RPS6KC1: variants seen among roughly 807,000 people sequenced by gnomAD.
RPS6KC1 encodes inactive ribosomal protein S6 kinase delta-1.
RPS6KC1 carries 54 observed loss-of-function variants against 103.8 expected under a neutral mutation model. The ratio of observed to expected loss-of-function variants is 0.52; its 90% confidence interval spans 0.42 to 0.65. The LOEUF (loss-of-function observed/expected upper bound fraction) is 0.65, where lower values mean the gene tolerates loss of function less well. Ranked by LOEUF, RPS6KC1 falls within the 30% of genes least tolerant of loss-of-function variation. The probability of loss-of-function intolerance (pLI) is 0.00; values close to 1 mark genes in which losing one functional copy is unlikely to be tolerated. For missense variants in RPS6KC1, 1,151 were observed against 1,253.8 expected, an observed-to-expected ratio of 0.92 and a Z score of 1.24; for synonymous variants, 439 against 438.7, an observed-to-expected ratio of 1.00 and a Z score of -0.01.
intron 14 of RPS6KC1, among the ~76,000 whole-genome samples, chr1:213,267,764 T>C (rs1203606561): frequency 6.6e-6 from 1 of 151,720 alleles, no homozygotes; most frequent in Non-Finnish European, 1.5e-5. Flanking sequence ...ACAAGTTGAA[T>C]AATACAATGA....
chr1:213,248,182 A>T (rs539429953), intron 12 of RPS6KC1, among the ~76,000 whole-genome samples: 36 of 152,176 alleles, frequency 2.4e-4, no homozygotes, highest in Non-Finnish European at 3.8e-4. Context: ...TAATAATGAC[A>T]TAACCAGGAG....
chr1:213,388,020 T>C, the RPS6KC1 span, among the ~76,000 whole-genome samples: 126 of 152,244 alleles, frequency 8.3e-4, 1 homozygote, highest in Admixed American at 2.9e-3. Flanking sequence ...AAAACCAGCA[T>C]AGGAGTTTTT....
rs186229405 is a variant in RPS6KC1 at position 213,273,730 on chromosome 1, A to G, written c.*1096A>G. 1.3e-5 allele frequency: 2 copies of G among 152,334 alleles called. No individual in the cohort carries two copies. The highest frequency in any genetic ancestry group is 1.9e-4 in the East Asian group (1 of 5,186). 9.4% of individuals were successfully genotyped at this position (152,334 alleles called of 1,614,324 possible). On this transcript the variant is annotated 3_prime_UTR_variant, in exon 15 of 15. Transcript: ENST00000366960. The stretch of plus-strand genomic sequence containing the variant: ...TTAGAAAGAATGTAAGTATTCACAC[A>G]TCTCCAAACATTTGTATTTGTTACT...
the RPS6KC1 span, among the ~76,000 whole-genome samples, chr1:213,578,849 A>T: frequency 4.6e-5 from 7 of 152,054 alleles, no homozygotes; most frequent in Non-Finnish European, 1.0e-4. Context: ...GTTAATGCTG[A>T]TATGAGTTAA....
the RPS6KC1 span, among the ~76,000 whole-genome samples, chr1:213,578,360 G>A: frequency 2.0e-5 from 3 of 152,238 alleles, no homozygotes; most frequent in Admixed American, 6.5e-5. Flanking sequence ...GTTGAAGCCC[G>A]TACACAGAGT....
chr1:213,675,498 G>A, the RPS6KC1 span, among the ~76,000 whole-genome samples: 1 of 152,226 alleles, frequency 6.6e-6, no homozygotes, highest in Non-Finnish European at 1.5e-5. Context: ...TGGCTAGCCA[G>A]CTATCCCAGC....
At chr1:213,187,797 T>A (rs2092594677) in intron 8 of RPS6KC1, among the ~76,000 whole-genome samples, 4 of 152,182 alleles carry the variant, frequency 2.6e-5, no homozygotes, top group African/African-American at 4.8e-5. Context: ...AATAGATATT[T>A]ATAGAATAGT....
the RPS6KC1 span, among the ~76,000 whole-genome samples, chr1:213,844,004 A>G: frequency 6.6e-6 from 1 of 151,976 alleles, no homozygotes; most frequent in African/African-American, 2.4e-5. Context: ...CTAGGGGGAA[A>G]AAAAAAAAGA....
the RPS6KC1 span, among the ~76,000 whole-genome samples, chr1:213,600,836 C>T: frequency 6.6e-6 from 1 of 152,220 alleles, no homozygotes; most frequent in Non-Finnish European, 1.5e-5. Context: ...TTCACACTAG[C>T]CACTCAGTGG....
the RPS6KC1 span, among the ~76,000 whole-genome samples, chr1:213,310,628 C>G: frequency 6.6e-6 from 1 of 152,234 alleles, no homozygotes; most frequent in African/African-American, 2.4e-5. Context: ...CTTCCCCTAT[C>G]AGAATCTAAG....
the RPS6KC1 span, among the ~76,000 whole-genome samples, chr1:213,607,440 A>G: frequency 6.6e-6 from 1 of 152,190 alleles, no homozygotes; most frequent in African/African-American, 2.4e-5. Flanking sequence ...TTTTACTGGA[A>G]GAGAGGTGTC....
At chr1:213,842,640 A>G in the RPS6KC1 span, among the ~76,000 whole-genome samples, 1 of 152,222 alleles carries the variant, frequency 6.6e-6, no homozygotes, top group Non-Finnish European at 1.5e-5. Context: ...TGGTCTTCAG[A>G]CATTGAAAAA....
chr1:213,329,062 G>T, the RPS6KC1 span, among the ~76,000 whole-genome samples: 1 of 152,082 alleles, frequency 6.6e-6, no homozygotes, highest in East Asian at 1.9e-4. Context: ...GTTTTTTTCT[G>T]CTGGTTAGAG....
At chr1:213,587,239 G>A in the RPS6KC1 span, among the ~76,000 whole-genome samples, 3 of 152,180 alleles carry the variant, frequency 2.0e-5, no homozygotes, top group Admixed American at 6.5e-5. Context: ...TAGATCTGCG[G>A]TGGGGGCCAG....
the RPS6KC1 span, among the ~76,000 whole-genome samples, chr1:213,802,097 C>T: frequency 6.6e-6 from 1 of 152,180 alleles, no homozygotes. Context: ...CTGCCCATGA[C>T]AATGGTGTAA....
At position 213,126,603 on chromosome 1, in the gene RPS6KC1, A is replaced by G. The variant is rs941362466; in HGVS notation, c.473-2924A>G. 1.6e-3 allele frequency among the ~76,000 whole-genome samples: 243 copies of G among 152,298 alleles called. 1 individual carries two copies. Among genetic ancestry groups the G allele is most frequent in the African/African-American group, 5.6e-3 (233 of 41,578 alleles). The stretch of plus-strand genomic sequence containing the variant: ...ATAGGGGTTGGCAAAACTATGTTCT[A>G]TGGGCTGAATCTGGCCTGCCACCTG... On this transcript the variant is annotated intron_variant, in intron 5 of 14. Coordinates refer to ENST00000366960, the MANE Select transcript of RPS6KC1 (RefSeq NM_012424.6).
the RPS6KC1 span, among the ~76,000 whole-genome samples, chr1:213,763,674 A>G: frequency 6.6e-6 from 1 of 152,218 alleles, no homozygotes; most frequent in Non-Finnish European, 1.5e-5. Flanking sequence ...GGTTGCTAGG[A>G]TGGTTTTTAA....
the RPS6KC1 span, among the ~76,000 whole-genome samples, chr1:213,324,767 A>G: frequency 1.3e-5 from 2 of 151,900 alleles, no homozygotes; most frequent in African/African-American, 4.8e-5. Context: ...GAGGATAGTG[A>G]GTGCTTTCAC....
At chr1:213,821,770 A>G in the RPS6KC1 span, 1 of 152,198 alleles carries the variant, frequency 6.6e-6, no homozygotes, top group Non-Finnish European at 1.5e-5. Context: ...GGGCACACAG[A>G]TCTCATTTTC....
Sources: gnomAD v4.1 joint callset for allele counts (sites outside exome capture counted in the v4.1 genomes callset) on GRCh38, gnomAD v4.1.1 for gene constraint, MANE v1.5 for transcripts, NCBI Gene and HGNC (gene_info 2026-07-23, HGNC 2026-07-21) for gene names.